Variants in BOD1L1 observed in about 807,000 individuals in gnomAD.
The protein encoded by BOD1L1 is biorientation of chromosomes in cell division protein 1-like 1.
A neutral mutation model predicts 240.7 loss-of-function variants in BOD1L1; 86 were observed. The observed-to-expected ratio is 0.36, with a 90% CI of 0.30 to 0.43. The LOEUF (loss-of-function observed/expected upper bound fraction) is 0.43, where lower values mean the gene tolerates loss of function less well. BOD1L1 is among the 20% of genes least tolerant of loss of function. BOD1L1 has a pLI of 1.00. For missense variants in BOD1L1, 3,554 were observed against 3,643.5 expected (o/e 0.98, Z 0.63); for synonymous variants, 1,268 against 1,272.3 (o/e 1.00, Z 0.07).
Position 13,599,944 on chromosome 4 carries a change from G to A in BOD1L1, c.6956C>T (p.Thr2319Ile). Residue 2319 changes from threonine to isoleucine, a missense_variant, in exon 10 of 26, where the codon ACA (threonine) becomes ATA (isoleucine). By Grantham distance (89) the Thr-to-Ile change is moderately conservative. Around this residue, in one of 2 missense-constraint regions of BOD1L1, gnomAD observed 3,393 missense variants for 3,427.1 expected, o/e 0.99. Coordinates refer to ENST00000040738, the MANE Select transcript of BOD1L1 (RefSeq NM_148894.3). ...AGCATCGCTCAAGTCTTCTACTCTT[G>A]TGATGGTGAGCCGATCTTCATCCTG... ...VLQDEDRLTI[T>I]RVEDLSDAAI... 6.2e-7 allele frequency: 1 copy of A among 1,613,072 alleles called. No homozygotes were observed. Among genetic ancestry groups the A allele is most frequent in the Non-Finnish European group, 8.5e-7 (1 of 1,179,476 alleles).
intron 8 of BOD1L1, among the ~76,000 whole-genome samples, chr4:13,608,029 C>T (rs1259169672): frequency 6.6e-6 from 1 of 152,130 alleles, no homozygotes; most frequent in African/African-American, 2.4e-5. Flanking sequence ...TCAAGAGTCT[C>T]TTTAGCTTTC....
In BOD1L1 at chr4:13,614,684, G is replaced by A; in HGVS notation, c.686C>T (p.Thr229Ile). The change falls in exon 4 of 26, where the codon ACC (threonine) becomes ATC (isoleucine). Residue 229 changes from threonine to isoleucine, a missense_variant. Physicochemically the swap from Thr to Ile is moderately conservative, Grantham distance 89 (BLOSUM62 -1). Around this residue, in one of 2 missense-constraint regions of BOD1L1, gnomAD observed 3,393 missense variants for 3,427.1 expected, o/e 0.99. Coordinates refer to ENST00000040738, the MANE Select transcript of BOD1L1 (RefSeq NM_148894.3). ...RASTETSNAK[T>I]SERASKKLPS... ...AAGTTTTTTTGACGCTCTCTCACTG[G>A]TCTTGGCATTTGATGTTTCTGTTGA... is the stretch of plus-strand genomic sequence containing the variant. 6.2e-7 allele frequency: 1 copy of A among 1,613,870 alleles called. No homozygotes were observed. Among genetic ancestry groups the A allele is most frequent in the Non-Finnish European group, 8.5e-7 (1 of 1,179,864 alleles).
At chr4:13,588,664 G>T in intron 15 of BOD1L1, 58 bp downstream of exon 15, 1 of 1,272,854 alleles carries the variant, frequency 7.9e-7, no homozygotes, top group South Asian at 1.4e-5. Flanking sequence ...GCCCTTCTTT[G>T]TGTACAGTGA....
chr4:13,577,117 C>T lies in BOD1L1; in HGVS notation c.8885-126G>A, dbSNP rs182694176. 1.4e-3 allele frequency: 1,619 copies of T among 1,189,694 alleles called. 2 individuals are homozygous for T. Among genetic ancestry groups the T allele is most frequent in the Non-Finnish European group, 1.2e-3 (1,020 of 865,236 alleles). The allele number at this position is 1,189,694 out of a possible 1,614,324, so 73.7% of individuals were successfully genotyped here. A position where few individuals can be genotyped will look rare whatever the true frequency, so the allele number is the denominator to read the frequency against. ...AGGCAGAGAAATGGTTTTCCACTTC[C>T]TTTTTGTTTCAGCACTTGCAATTCA... On this transcript the variant is annotated intron_variant, in intron 24 of 25. Transcript: ENST00000040738.
At chr4:13,591,838 G>C in intron 13 of BOD1L1, 85 bp downstream of exon 13, 1 of 1,050,180 alleles carries the variant, frequency 9.5e-7, no homozygotes, top group South Asian at 1.6e-5. Flanking sequence ...AACCCCTTCA[G>C]ATGGCTCCTC....
intron 8 of BOD1L1, 46 bp downstream of exon 8, chr4:13,608,484 C>A: frequency 1.4e-6 from 2 of 1,440,802 alleles, no homozygotes; most frequent in South Asian, 1.6e-5. Context: ...TCTGAAAGCA[C>A]CCAGGGGAGT....
At chr4:13,609,524 T>G (rs528792384) in intron 6 of BOD1L1, 118 bp from the exon 7 acceptor site, 1 of 599,062 alleles carries the variant, frequency 1.7e-6, no homozygotes, top group Admixed American at 3.9e-5. Flanking sequence ...TAACGGGCTC[T>G]GAAAAAATGC....
At position 13,608,459 on chromosome 4, in the gene BOD1L1, CTTCAA is replaced by C. The variant is rs984335544; in HGVS notation, c.1742+66_1742+70del. On this transcript the variant is annotated intron_variant, in intron 8 of 25. Coordinates refer to ENST00000040738, the MANE Select transcript of BOD1L1 (RefSeq NM_148894.3). ...ACCAAAGTACAACTCTTTACTGTCA[CTTCAA>C]TTCCTCTCTTCTGAAAGCACCCAGG... 9.0e-5 allele frequency: 120 copies of C among 1,332,946 alleles called. No individual in the cohort carries two copies. The African/African-American group carries it at 1.6e-3, about 17-fold the overall frequency. The allele number at this position is 1,332,946 out of a possible 1,614,324, so 82.6% of individuals were successfully genotyped here.
chr4:13,624,820 C>A (rs555454951), intron 1 of BOD1L1: 1 of 152,118 alleles, frequency 6.6e-6, no homozygotes, highest in Non-Finnish European at 1.5e-5. Context: ...TAAATATGCA[C>A]GTGACAGACA....
chr4:13,595,998 A>C (rs1714595951), intron 11 of BOD1L1, 54 bp from the exon 12 acceptor site: 2 of 1,455,488 alleles, frequency 1.4e-6, no homozygotes, highest in Non-Finnish European at 1.9e-6. Flanking sequence ...TTACAAGAAG[A>C]CTAACCTCAA....
rs1464435279 is a variant in BOD1L1, at chr4:13,602,074, C to T, written c.4826G>A (p.Ser1609Asn). The change falls in exon 10 of 26, where the codon AGC (serine) becomes AAC (asparagine). Residue 1609 changes from serine to asparagine, a missense_variant. Transcript: ENST00000040738. ...CTCCCCACTTTCCCCTTCCTTAGTG[C>T]TTGTGAGGAAGGTTTCACTTTCAGC... ...GFAESETFLT[S>N]TKEGESGECA... The T allele has an allele frequency of 3.1e-6, 5 of 1,614,044 alleles. No individual in the cohort carries two copies. Among genetic ancestry groups the T allele is most frequent in the Non-Finnish European group, 3.4e-6 (4 of 1,179,912 alleles).
chr4:13,587,838 C>T (rs1230205194), intron 15 of BOD1L1, 67 bp from the exon 16 acceptor site: 2 of 1,061,344 alleles, frequency 1.9e-6, no homozygotes, highest in East Asian at 5.2e-5. Flanking sequence ...AAGAGGAGCA[C>T]ACTGTACTAG....
At chr4:13,587,991 C>T (rs1001450389) in intron 15 of BOD1L1, among the ~76,000 whole-genome samples, 1 of 152,100 alleles carries the variant, frequency 6.6e-6, no homozygotes, top group African/African-American at 2.4e-5. Context: ...CAAGACCAAC[C>T]TGGCTAACAC....
At position 13,601,260 on chromosome 4, in the gene BOD1L1, AATTTC is replaced by A. The variant is rs1715130836; in HGVS notation, c.5635_5639del (p.Glu1879TrpfsTer14). 6.2e-7 allele frequency: 1 copy of A among 1,613,862 alleles called. No individual in the cohort carries two copies. Among genetic ancestry groups the A allele is most frequent in the Admixed American group, 1.7e-5 (1 of 60,008 alleles). On this transcript the variant is annotated frameshift_variant, in exon 10 of 26. Transcript: ENST00000040738. LOFTEE classifies it high-confidence loss of function. The stretch of plus-strand genomic sequence containing the variant: ...ACCCTGTACAAGTTGAAGCATGCCC[AATTTC>A]ATTTCCTCTTCCAGTACTAGTCACA...
intron 16 of BOD1L1, 28 bp downstream of exon 16, chr4:13,587,671 T>C: frequency 6.8e-7 from 1 of 1,475,320 alleles, no homozygotes; most frequent in Non-Finnish European, 9.2e-7. Flanking sequence ...TTCAAAGATG[T>C]CTAAAACAGA....
Position 13,627,656 on chromosome 4 carries a change from G to A in BOD1L1, c.-69C>T, listed in dbSNP as rs1453241145. 7.5e-6 allele frequency: 8 copies of A among 1,072,042 alleles called. No individual in the cohort carries two copies. The African/African-American group carries it at 1.0e-4, about 13-fold the overall frequency. The allele number at this position is 1,072,042 out of a possible 1,614,324, so 66.4% of individuals were successfully genotyped here. A position where few individuals can be genotyped will look rare whatever the true frequency, so the allele number is the denominator to read the frequency against. The stretch of plus-strand genomic sequence containing the variant: ...ATCCTGGGAGGCGGCGGCTGCACTG[G>A]TCCCGCCGCCTGAGGGAAGCCAACG... On this transcript the variant is annotated 5_prime_UTR_variant, in exon 1 of 26. Transcript: ENST00000040738.
In BOD1L1 at chr4:13,602,872, C is replaced by T. The variant is rs1470584285; in HGVS notation, c.4028G>A (p.Ser1343Asn). The T allele has an allele frequency of 1.9e-6, 3 of 1,613,902 alleles. No homozygotes were observed. Among genetic ancestry groups the T allele is most frequent in the Non-Finnish European group, 2.5e-6 (3 of 1,179,906 alleles). ...RESEVLKTSD[S>N]KEGGEGFTVD... Reference sequence around the variant, plus strand: ...TGTGAAACCTTCACCACCTTCTTTGCTGTCACTTGTCTTAAGGACTTCTGA... The same window carrying T: ...TGTGAAACCTTCACCACCTTCTTTGTTGTCACTTGTCTTAAGGACTTCTGA... The change falls in exon 10 of 26, where the codon AGC (serine) becomes AAC (asparagine). Residue 1343 changes from serine to asparagine, a missense_variant. Transcript: ENST00000040738.
At chr4:13,588,119 C>T (rs768441494) in intron 15 of BOD1L1, among the ~76,000 whole-genome samples, 13 of 147,350 alleles carry the variant, frequency 8.8e-5, no homozygotes, top group South Asian at 2.2e-4. Flanking sequence ...ACCCCGGAGG[C>T]GGAGCTTGCA....
chr4:13,571,479 G>T (rs918218243), intron 25 of BOD1L1, among the ~76,000 whole-genome samples: 3 of 152,208 alleles, frequency 2.0e-5, no homozygotes, highest in African/African-American at 7.2e-5. Flanking sequence ...TGTTTCCATG[G>T]AAAGCCACCA....
Sources: gnomAD v4.1 joint callset for allele counts (sites outside exome capture counted in the v4.1 genomes callset) on GRCh38, gnomAD v4.1.1 for gene constraint, gnomAD v4.1.1 regional missense constraint, MANE v1.5 for transcripts, NCBI Gene and HGNC (gene_info 2026-07-23, HGNC 2026-07-21) for gene names.